The following RNF182 variants were observed in gnomAD, a reference collection of about 807,000 sequenced individuals.
RNF182 encodes ring finger protein 182.
In RNF182, 15 loss-of-function variants were observed where a neutral mutation model predicts 14.4. The ratio of observed to expected loss-of-function variants is 1.04; its 90% CI spans 0.70 to 1.60. RNF182 has a LOEUF of 1.60. Ranked by LOEUF, RNF182 falls within the 40% of genes most tolerant of loss-of-function variation. The pLI is 0.00. For missense variants in RNF182, 268 were observed against 294.8 expected (o/e 0.91, Z 0.67); for synonymous variants, 128 against 122.9 (o/e 1.04, Z -0.27).
intron 1 of RNF182, among the ~76,000 whole-genome samples, chr6:13,955,025 A>G (rs1280413114): frequency 6.6e-6 from 1 of 152,012 alleles, no homozygotes; most frequent in Non-Finnish European, 1.5e-5. Context: ...CCGCCTCCTT[A>G]TCTGTTTTTT....
chr6:13,974,077 G>A (rs1437524809), intron 1 of RNF182, 133 bp from the exon 2 acceptor site: 1 of 152,050 alleles, frequency 6.6e-6, no homozygotes, highest in African/African-American at 2.4e-5. Context: ...TAGATTTTTG[G>A]TTATTATTCA....
At chr6:13,966,904 A>G (rs1760047443) in intron 1 of RNF182, among the ~76,000 whole-genome samples, 1 of 152,068 alleles carries the variant, frequency 6.6e-6, no homozygotes, top group African/African-American at 2.4e-5. Flanking sequence ...TGGTGCAATC[A>G]TAGCTTACTG....
intron 1 of RNF182, among the ~76,000 whole-genome samples, chr6:13,956,694 G>A (rs1451466939): frequency 6.6e-6 from 1 of 152,164 alleles, no homozygotes; most frequent in Non-Finnish European, 1.5e-5. Flanking sequence ...CTACAAAAGT[G>A]TCGTAAGTTT....
chr6:13,934,795 A>C (rs1227175531), intron 1 of RNF182, among the ~76,000 whole-genome samples: 2 of 152,218 alleles, frequency 1.3e-5, no homozygotes, highest in Admixed American at 6.5e-5. Context: ...AATTAATGCA[A>C]ATGAGTGGAT....
chr6:13,954,136 G>T, intron 1 of RNF182, among the ~76,000 whole-genome samples: 1 of 151,958 alleles, frequency 6.6e-6, no homozygotes, highest in East Asian at 1.9e-4. Context: ...TCATTTATCT[G>T]CCCCCCTCCC....
At chr6:13,939,048 A>C (rs1172108029) in intron 1 of RNF182, among the ~76,000 whole-genome samples, 1 of 152,162 alleles carries the variant, frequency 6.6e-6, no homozygotes, top group Non-Finnish European at 1.5e-5. Flanking sequence ...GCACCACTGC[A>C]CTCTAGCCTG....
At chr6:13,970,661 T>C (rs946376953) in intron 1 of RNF182, among the ~76,000 whole-genome samples, 1 of 152,230 alleles carries the variant, frequency 6.6e-6, no homozygotes, top group Non-Finnish European at 1.5e-5. Context: ...GAGAAATGTT[T>C]ATACTGTTTT....
intron 1 of RNF182, among the ~76,000 whole-genome samples, chr6:13,952,858 G>C (rs1459193566): frequency 6.6e-6 from 1 of 152,160 alleles, no homozygotes; most frequent in East Asian, 1.9e-4. Context: ...TAGGTACAAT[G>C]CTTGTTTATA....
chr6:13,974,585 A>G (rs1321792655), intron 2 of RNF182, among the ~76,000 whole-genome samples: 1 of 152,222 alleles, frequency 6.6e-6, no homozygotes, highest in African/African-American at 2.4e-5. Context: ...TCACATAATT[A>G]TCAGCTAGAA....
rs781664278 is a variant in RNF182, at chr6:13,977,897, G to A, written c.*34G>A. On this transcript the variant is annotated 3_prime_UTR_variant, in exon 3 of 3. Coordinates refer to ENST00000488300, the MANE Select transcript of RNF182 (RefSeq NM_152737.4). ...CAAAATAAGAAATTGGACACACATT[G>A]CCCTGTTTGAGTGTGAAGTTAGATA... The A allele has an allele frequency of 2.4e-5, 38 of 1,557,630 alleles. No individual in the cohort carries two copies. In the East Asian group the frequency reaches 8.6e-4, roughly 35 times the overall value.
At chr6:13,941,432 AT>A (rs1290848106) in intron 1 of RNF182, among the ~76,000 whole-genome samples, 1 of 151,864 alleles carries the variant, frequency 6.6e-6, no homozygotes, top group Non-Finnish European at 1.5e-5. Flanking sequence ...TCCTGACTCT[AT>A]TTTTAGTTGT....
At position 13,977,525 on chromosome 6, in the gene RNF182, G is replaced by T. The variant is rs755389841; in HGVS notation, c.406G>T (p.Val136Leu). ...SNCLVITIME[V>L]QRESSPSLSS... ...CTGCCTGGTCATAACCATCATGGAGGTGCAGAGAGAGAGCTCCCCGTCCCT... is the reference window on the plus strand; with the variant it reads ...CTGCCTGGTCATAACCATCATGGAGTTGCAGAGAGAGAGCTCCCCGTCCCT... Residue 136 changes from valine (V) to leucine (L), a missense_variant, in exon 3 of 3, where the codon GTG (valine) becomes TTG (leucine). Physicochemically the swap from Val to Leu is conservative, Grantham distance 32. Coordinates refer to ENST00000488300, the MANE Select transcript of RNF182 (RefSeq NM_152737.4). 43 of 1,614,048 alleles carry T rather than the reference G, an allele frequency of 2.7e-5. No homozygotes were observed. Among genetic ancestry groups the T allele is most frequent in the Non-Finnish European group, 3.5e-5 (41 of 1,180,032 alleles).
intron 1 of RNF182, among the ~76,000 whole-genome samples, chr6:13,950,954 A>G (rs187960987): frequency 2.0e-5 from 3 of 150,480 alleles, no homozygotes; most frequent in African/African-American, 7.3e-5. Flanking sequence ...GTGCCACCAC[A>G]CCTGGCTAAC....
At chr6:13,931,277 T>G (rs1473598058) in intron 1 of RNF182, among the ~76,000 whole-genome samples, 1 of 152,112 alleles carries the variant, frequency 6.6e-6, no homozygotes, top group African/African-American at 2.4e-5. Flanking sequence ...GGATTGGAAA[T>G]GAACAAGGAC....
chr6:13,977,193 A>G lies in RNF182; in HGVS notation c.74A>G (p.Asn25Ser), dbSNP rs763812745. The G allele has an allele frequency of 5.5e-5, 88 of 1,613,968 alleles. No homozygotes were observed. Among genetic ancestry groups the G allele is most frequent in the Admixed American group, 6.7e-5 (4 of 60,002 alleles). ...GAGCTGGAGTGCAAAATCTGTTACA[A>G]TCGATACAATCTGAAACAGAGGAAA... ...SDELECKICYNRYNLKQRKPK... is the reference protein window; with the variant it reads ...SDELECKICYSRYNLKQRKPK... Residue 25 changes from asparagine (N) to serine (S), a missense_variant, in exon 3 of 3, where the codon AAT (asparagine) becomes AGT (serine). By Grantham distance (46) the Asn-to-Ser change is conservative (BLOSUM62 1). Transcript: ENST00000488300.
In RNF182 at chr6:13,971,392, A is replaced by G. The variant is rs1030912563; in HGVS notation, c.-366-2818A>G. Among the ~76,000 whole-genome samples, 6 of 152,166 alleles carry G rather than the reference A, an allele frequency of 3.9e-5. No individual in the cohort carries two copies. In the East Asian group the frequency reaches 1.2e-3, roughly 29 times the overall value. On this transcript the variant is annotated intron_variant, in intron 1 of 2. Coordinates refer to ENST00000488300, the MANE Select transcript of RNF182 (RefSeq NM_152737.4). ...TCATGATTGTGAGGCCTCCCCAGCC[A>G]TGTGAAATTGTGAGTCCATTAACCC... is the stretch of plus-strand genomic sequence containing the variant.
chr6:13,976,753 T>G (rs190964130), intron 2 of RNF182, among the ~76,000 whole-genome samples, 156 bp from the exon 3 acceptor site: 64 of 152,342 alleles, frequency 4.2e-4, no homozygotes, highest in Admixed American at 1.4e-3. Flanking sequence ...ACTTTTCCGT[T>G]CCAGGGACAG....
intron 1 of RNF182, among the ~76,000 whole-genome samples, chr6:13,928,508 G>T (rs574598309): frequency 6.6e-6 from 1 of 151,886 alleles, no homozygotes; most frequent in Non-Finnish European, 1.5e-5. Flanking sequence ...AGTTAATTTT[G>T]TAATGTTTTT....
intron 1 of RNF182, among the ~76,000 whole-genome samples, chr6:13,930,975 A>G (rs552717715): frequency 1.7e-4 from 26 of 152,202 alleles, no homozygotes; most frequent in Non-Finnish European, 3.4e-4. Context: ...TGCTGCAGTG[A>G]AGATGCTTTT....
Sources: allele counts gnomAD v4.1 joint callset (sites outside exome capture counted in the v4.1 genomes callset), GRCh38; gene constraint gnomAD v4.1.1; transcripts MANE v1.5; gene names NCBI Gene and HGNC (gene_info 2026-07-23, HGNC 2026-07-21).